Variants in GTF2E2 observed in about 807,000 individuals in gnomAD.
GTF2E2 encodes the protein general transcription factor IIE subunit 2, also known as transcription initiation factor IIE subunit beta.
A neutral mutation model predicts 40.5 loss-of-function variants in GTF2E2; 21 were observed. That is an observed-to-expected ratio of 0.52 (90% CI 0.37 to 0.75). The LOEUF is 0.75. Ranked by LOEUF, GTF2E2 falls within the 30% of genes least tolerant of loss-of-function variation. The pLI is 0.00. For missense variants in GTF2E2, 298 were observed against 338.4 expected, an observed-to-expected ratio of 0.88 and a Z score of 0.94; for synonymous variants, 117 against 121.6, an observed-to-expected ratio of 0.96 and a Z score of 0.25.
intron 2 of GTF2E2, chr8:30,636,917 A>C: frequency 2.4e-6 from 1 of 421,116 alleles, no homozygotes; most frequent in African/African-American, 2.1e-5. Context: ...TTCAATTATG[A>C]AATATTACCT....
At chr8:30,590,108 T>A (rs1425205787) in intron 6 of GTF2E2, among the ~76,000 whole-genome samples, 2 of 152,128 alleles carry the variant, frequency 1.3e-5, no homozygotes, top group South Asian at 2.1e-4. Context: ...CTGCAGTCAC[T>A]CTCTCCACGG....
rs397957917 is a variant in GTF2E2, at chr8:30,617,751, C to CAA, written c.259-3038_259-3037dup. Among the ~76,000 whole-genome samples the CAA allele has an allele frequency of 5.6e-3, 654 of 116,800 alleles. 4 individuals are homozygous for CAA. The highest frequency in any genetic ancestry group is 0.02 in the African/African-American group (609 of 30,942). The allele number at this position is 116,800 out of a possible 152,430, so 76.6% of individuals were successfully genotyped here. On this transcript the variant is annotated intron_variant, in intron 3 of 7. Transcript: ENST00000355904. ...TGGGTGACAGAACCAGATCTTGTCT[C>CAA]AAAAAAAAAAAAAAAGCTAGGTAAA...
At chr8:30,606,058 T>A (rs1165662193) in intron 6 of GTF2E2, among the ~76,000 whole-genome samples, 2 of 152,214 alleles carry the variant, frequency 1.3e-5, no homozygotes, top group Non-Finnish European at 2.9e-5. Flanking sequence ...CAGGCAGTAC[T>A]GAAGTCTTTG....
At chr8:30,600,574 A>G (rs1211742244) in intron 6 of GTF2E2, among the ~76,000 whole-genome samples, 2 of 151,558 alleles carry the variant, frequency 1.3e-5, no homozygotes, top group African/African-American at 4.9e-5. Flanking sequence ...CCTACATGGA[A>G]TGAATAAATC....
At chr8:30,594,425 T>C (rs1828938385) in intron 6 of GTF2E2, among the ~76,000 whole-genome samples, 1 of 151,280 alleles carries the variant, frequency 6.6e-6, no homozygotes, top group Non-Finnish European at 1.5e-5. Flanking sequence ...GCCTGGCTAA[T>C]TTTGGTATTT....
chr8:30,609,287 G>T (rs1239863178), intron 5 of GTF2E2, among the ~76,000 whole-genome samples: 1 of 143,534 alleles, frequency 7.0e-6, no homozygotes, highest in Non-Finnish European at 1.5e-5. Flanking sequence ...AAAAGAGAAA[G>T]AAAGAAAGAA....
intron 6 of GTF2E2, chr8:30,584,961 C>T (rs6992323): frequency 0.028 from 4,263 of 152,234 alleles, 209 homozygotes; most frequent in African/African-American, 0.097. Flanking sequence ...CCAAGGCAGG[C>T]GGATCACCTG....
chr8:30,643,813 G>C (rs909615843), intron 2 of GTF2E2: 4 of 138,366 alleles, frequency 2.9e-5, no homozygotes, highest in African/African-American at 1.1e-4. Context: ...TAGTAAGAAA[G>C]AAAAAAAAAA....
intron 5 of GTF2E2, among the ~76,000 whole-genome samples, chr8:30,611,778 A>C (rs1029152617): frequency 6.6e-6 from 1 of 152,238 alleles, no homozygotes; most frequent in Non-Finnish European, 1.5e-5. Flanking sequence ...TTAACAAGTT[A>C]ACATTAATAA....
intron 3 of GTF2E2, among the ~76,000 whole-genome samples, chr8:30,619,396 T>C (rs1444663322): frequency 6.6e-6 from 1 of 151,414 alleles, no homozygotes; most frequent in Non-Finnish European, 1.5e-5. Flanking sequence ...CTGACTTTTT[T>C]TTTTTTTTTG....
At chr8:30,612,754 C>T (rs1382749343) in intron 4 of GTF2E2, among the ~76,000 whole-genome samples, 2 of 152,168 alleles carry the variant, frequency 1.3e-5, no homozygotes, top group Non-Finnish European at 1.5e-5. Context: ...ACCACATTGG[C>T]CAGGCTGGTC....
intron 6 of GTF2E2, among the ~76,000 whole-genome samples, chr8:30,600,893 A>C (rs939901425): frequency 1.3e-5 from 2 of 152,232 alleles, no homozygotes; most frequent in African/African-American, 2.4e-5. Flanking sequence ...GTGCGCACTC[A>C]GAGTTCCTCT....
chr8:30,594,077 C>A (rs1223743722), intron 6 of GTF2E2, among the ~76,000 whole-genome samples: 1 of 151,916 alleles, frequency 6.6e-6, no homozygotes, highest in Non-Finnish European at 1.5e-5. Context: ...ATTACAGGCG[C>A]ATGCCACCAC....
intron 6 of GTF2E2, among the ~76,000 whole-genome samples, chr8:30,599,898 G>A (rs1368190157): frequency 4.6e-5 from 7 of 152,048 alleles, no homozygotes; most frequent in Non-Finnish European, 8.8e-5. Context: ...CAGAAGAATC[G>A]CTTGAACCCA....
At chr8:30,649,717 C>T (rs2128729725) in intron 2 of GTF2E2, among the ~76,000 whole-genome samples, 1 of 152,196 alleles carries the variant, frequency 6.6e-6, no homozygotes, top group Middle Eastern at 3.4e-3. Flanking sequence ...TGGTGGCACA[C>T]ACCTGTAATC....
At chr8:30,648,756 A>C (rs1802180853) in intron 2 of GTF2E2, among the ~76,000 whole-genome samples, 1 of 152,238 alleles carries the variant, frequency 6.6e-6, no homozygotes, top group African/African-American at 2.4e-5. Context: ...GAGTGACTAT[A>C]ACTAGCTAAG....
chr8:30,606,800 A>G (rs1829326965), intron 6 of GTF2E2, among the ~76,000 whole-genome samples: 1 of 152,218 alleles, frequency 6.6e-6, no homozygotes, highest in African/African-American at 2.4e-5. Context: ...CGTTTGGTTC[A>G]GTTGAGCTAT....
intron 3 of GTF2E2, among the ~76,000 whole-genome samples, chr8:30,629,114 T>C (rs1801365801): frequency 6.6e-6 from 1 of 152,334 alleles, no homozygotes. Flanking sequence ...ATTCATATCT[T>C]ATATTTGAAC....
At chr8:30,631,559 G>A (rs893706377) in intron 3 of GTF2E2, among the ~76,000 whole-genome samples, 43 of 152,044 alleles carry the variant, frequency 2.8e-4, no homozygotes, top group African/African-American at 9.7e-4. Context: ...TTGTCAAATC[G>A]TATCATTAAA....
Sources: gnomAD v4.1 joint callset for allele counts (sites outside exome capture counted in the v4.1 genomes callset) on GRCh38, gnomAD v4.1.1 for gene constraint, MANE v1.5 for transcripts, NCBI Gene and HGNC (gene_info 2026-07-23, HGNC 2026-07-21) for gene names.